Variants in ARFGEF1 observed in about 807,000 individuals in gnomAD.
ARFGEF1 encodes ARF guanine nucleotide exchange factor 1.
Under a neutral mutation model 231.0 loss-of-function variants are expected in ARFGEF1, and 42 were observed. The observed-to-expected ratio is 0.18, with a 90% confidence interval of 0.14 to 0.24. The LOEUF is 0.24. ARFGEF1 is among the 10% of genes least tolerant of loss of function. ARFGEF1 has a pLI of 1.00. For synonymous variants in ARFGEF1, 710 were observed against 732.3 expected, an observed-to-expected ratio of 0.97 and a Z score of 0.49; for missense variants, 1,345 against 2,192.0, an observed-to-expected ratio of 0.61 and a Z score of 7.72.
chr8:67,218,410 T>TA (rs61184771), intron 30 of ARFGEF1, among the ~76,000 whole-genome samples: 30,086 of 150,562 alleles, frequency 0.2, 3,591 homozygotes, highest in East Asian at 0.37. Context: ...TTTTGATTAT[T>TA]AAAAAAAACC....
intron 21 of ARFGEF1, 118 bp from the exon 22 acceptor site, chr8:67,238,611 T>A: frequency 7.0e-7 from 1 of 1,419,234 alleles, no homozygotes; most frequent in Non-Finnish European, 9.5e-7. Flanking sequence ...TTTAAAAAGC[T>A]AAACGTACTT....
intron 34 of ARFGEF1, among the ~76,000 whole-genome samples, chr8:67,208,897 G>A (rs1372572770): frequency 1.3e-5 from 2 of 152,098 alleles, no homozygotes; most frequent in Non-Finnish European, 2.9e-5. Flanking sequence ...ACCACAATGA[G>A]GTAAACTTCT....
chr8:67,323,698 T>C (rs1391635704), intron 1 of ARFGEF1, among the ~76,000 whole-genome samples: 2 of 152,218 alleles, frequency 1.3e-5, no homozygotes, highest in Non-Finnish European at 2.9e-5. Context: ...ATCTAAGCTT[T>C]CCATATTCAG....
At chr8:67,211,640 G>C (rs1838756020) in intron 33 of ARFGEF1, 25 bp from the exon 34 acceptor site, 2 of 1,336,026 alleles carry the variant, frequency 1.5e-6, no homozygotes, top group East Asian at 5.1e-5. Context: ...AAAAATCACT[G>C]TAAGTATGGT....
chr8:67,339,344 A>G (rs1052152974), intron 1 of ARFGEF1, among the ~76,000 whole-genome samples: 1 of 152,028 alleles, frequency 6.6e-6, no homozygotes, highest in African/African-American at 2.4e-5. Context: ...ATTGTGTATC[A>G]GTGACAGTTT....
chr8:67,221,964 C>T (rs1353941715), intron 29 of ARFGEF1, among the ~76,000 whole-genome samples: 1 of 151,378 alleles, frequency 6.6e-6, no homozygotes, highest in African/African-American at 2.4e-5. Flanking sequence ...CAGGTGCCCA[C>T]CACCACGCCC....
At chr8:67,311,477 A>C (rs1237369558) in intron 1 of ARFGEF1, among the ~76,000 whole-genome samples, 126 of 67,414 alleles carry the variant, frequency 1.9e-3, no homozygotes, top group Admixed American at 2.5e-3. Flanking sequence ...GGGGTCAGCC[A>C]CCCGCCTGGC....
chr8:67,195,597 A>G, downstream of ARFGEF1: 2 of 1,613,120 alleles, frequency 1.2e-6, no homozygotes, highest in Non-Finnish European at 1.7e-6. Flanking sequence ...TGGTTAAAAT[A>G]AACCTGTACT....
chr8:67,230,653 T>TA (rs1839524306), intron 23 of ARFGEF1, among the ~76,000 whole-genome samples: 1 of 151,984 alleles, frequency 6.6e-6, no homozygotes, highest in Non-Finnish European at 1.5e-5. Context: ...CTGGTATGTA[T>TA]AAAAAAACCA....
rs989675043 is a variant in ARFGEF1, at chr8:67,216,457, T to C, written c.4686+133A>G. On this transcript the variant is annotated intron_variant, in intron 33 of 38. Coordinates refer to ENST00000262215, the MANE Select transcript of ARFGEF1 (RefSeq NM_006421.5). ...ATTGTAAAAAAAAAATGTCTATTTATAAGTAATCCAGTCTCAGATATTTTT... is the reference window on the plus strand; with the variant it reads ...ATTGTAAAAAAAAAATGTCTATTTACAAGTAATCCAGTCTCAGATATTTTT... The C allele has an allele frequency of 4.9e-6, 4 of 808,906 alleles. No individual in the cohort carries two copies. The African/African-American group carries it at 5.5e-5, about 11-fold the overall frequency. The allele number at this position is 808,906 out of a possible 1,614,324, so 50.1% of individuals were successfully genotyped here.
intron 4 of ARFGEF1, among the ~76,000 whole-genome samples, chr8:67,298,118 T>A (rs986579797): frequency 6.7e-6 from 1 of 149,266 alleles, no homozygotes; most frequent in African/African-American, 2.5e-5. Context: ...TTTTTTTTTT[T>A]AGAATAAAGA....
chr8:67,310,995 C>G (rs1460942427), intron 1 of ARFGEF1, among the ~76,000 whole-genome samples: 1 of 112,370 alleles, frequency 8.9e-6, no homozygotes, highest in Non-Finnish European at 1.9e-5. Context: ...GGGGGGTCAG[C>G]CCCCCGCCCG....
chr8:67,238,432 C>G lies in ARFGEF1; in HGVS notation c.3200G>C (p.Arg1067Pro). 1 of 1,613,932 alleles carries G rather than the reference C, an allele frequency of 6.2e-7. No homozygotes were observed. The highest frequency in any genetic ancestry group is 8.5e-7 in the Non-Finnish European group (1 of 1,179,894). ...AQLIGTGVKP[R>P]YISGTVRGRE... Reference sequence around the variant, plus strand: ...GCCTCGCACTGTTCCAGAAATGTATCGAGGTTTCACTCCAGTTCCTATAAG... The same window carrying G: ...GCCTCGCACTGTTCCAGAAATGTATGGAGGTTTCACTCCAGTTCCTATAAG... Residue 1067 changes from arginine (R) to proline (P), a missense_variant, in exon 22 of 39, where the codon CGA (arginine) becomes CCA (proline). Arg to Pro is a moderately radical substitution (Grantham distance 103, BLOSUM62 -2). This residue lies in a region of ARFGEF1 where 146 missense variants were observed against 321.4 expected (regional missense o/e 0.45). Coordinates refer to ENST00000262215, the MANE Select transcript of ARFGEF1 (RefSeq NM_006421.5).
downstream of ARFGEF1, chr8:67,174,943 T>C (rs1831261174): frequency 4.8e-6 from 1 of 207,408 alleles, no homozygotes; most frequent in Non-Finnish European, 9.8e-6. Flanking sequence ...ATGGCTGCCT[T>C]AGTCATAGCC....
intron 34 of ARFGEF1, among the ~76,000 whole-genome samples, chr8:67,210,220 G>A (rs1039319251): frequency 2.0e-5 from 3 of 150,216 alleles, no homozygotes; most frequent in Non-Finnish European, 4.4e-5. Context: ...GCACAAGCCT[G>A]TAATCCAAGC....
rs1186657359 is a variant in ARFGEF1 at position 67,227,948 on chromosome 8, T to C, written c.3591+15A>G. ...ATACTACAAATGTAAACAAACACCATAGTTATTCAAATACCTTATTAAAAT... is the reference window on the plus strand; with the variant it reads ...ATACTACAAATGTAAACAAACACCACAGTTATTCAAATACCTTATTAAAAT... On this transcript the variant is annotated intron_variant, in intron 25 of 38. Coordinates refer to ENST00000262215, the MANE Select transcript of ARFGEF1 (RefSeq NM_006421.5). The C allele has an allele frequency of 2.0e-6, 3 of 1,538,328 alleles. No individual in the cohort carries two copies. The highest frequency in any genetic ancestry group is 2.3e-5 in the East Asian group (1 of 43,350).
At chr8:67,239,075 C>T (rs568142339) in intron 20 of ARFGEF1, among the ~76,000 whole-genome samples, 182 bp from the exon 21 acceptor site, 4 of 151,858 alleles carry the variant, frequency 2.6e-5, no homozygotes, top group Admixed American at 6.6e-5. Context: ...GGCGCAATCT[C>T]GGCTCACTGC....
intron 34 of ARFGEF1, among the ~76,000 whole-genome samples, chr8:67,210,523 TAGAAAGCAA>T (rs1473127912): frequency 6.6e-6 from 1 of 151,950 alleles, no homozygotes; most frequent in Non-Finnish European, 1.5e-5. Context: ...TGCTCCTGCT[TAGAAAGCAA>T]CGGTCCTTCA....
At chr8:67,299,408 A>G (rs1563899380) in intron 3 of ARFGEF1, 53 bp from the exon 4 acceptor site, 1 of 1,463,644 alleles carries the variant, frequency 6.8e-7, no homozygotes, top group Non-Finnish European at 9.3e-7. Context: ...AATATTATAC[A>G]TACTAATGCA....
Sources: gnomAD v4.1 joint callset for allele counts (sites outside exome capture counted in the v4.1 genomes callset) on GRCh38, gnomAD v4.1.1 for gene constraint, gnomAD v4.1.1 regional missense constraint, MANE v1.5 for transcripts, NCBI Gene and HGNC (gene_info 2026-07-23, HGNC 2026-07-21) for gene names.